The following WDR7 variants were observed in gnomAD, a reference collection of about 807,000 sequenced individuals.
WDR7 encodes WD repeat-containing protein 7.
Under a neutral mutation model 169.4 loss-of-function variants are expected in WDR7, and 46 were observed. The ratio of observed to expected loss-of-function variants is 0.27; its 90% CI spans 0.21 to 0.35. WDR7 has a LOEUF of 0.35. Among genes scored for constraint, WDR7 ranks in the 10% least tolerant of loss-of-function variants. WDR7 has a pLI of 1.00. For synonymous variants in WDR7, 612 were observed against 666.8 expected (o/e 0.92, Z 1.27); for missense variants, 1,534 against 1,859.3 (o/e 0.83, Z 3.22).
In WDR7 at chr18:56,879,990, C is replaced by T. The variant is rs146713550; in HGVS notation, c.3351C>T (p.Tyr1117=). Reference sequence around the variant, plus strand: ...AAATGAAAAAAATTTCTACATCTTACGAGGAAAGACGGAAGCAAGCTACCG... The same window carrying T: ...AAATGAAAAAAATTTCTACATCTTATGAGGAAAGACGGAAGCAAGCTACCG... ...VPQMKKISTS[Y]EERRKQATAI... The change falls in exon 21 of 28, where the codon TAC becomes TAT. Residue 1117 remains tyrosine (Y), a synonymous_variant. Coordinates refer to ENST00000254442, the MANE Select transcript of WDR7 (RefSeq NM_015285.3). 52 of 1,613,948 alleles carry T rather than the reference C, an allele frequency of 3.2e-5. No individual in the cohort carries two copies. In the East Asian group the frequency reaches 9.1e-4, roughly 28 times the overall value.
chr18:56,653,552 C>G (rs1194853698), intron 1 of WDR7, among the ~76,000 whole-genome samples: 1 of 152,162 alleles, frequency 6.6e-6, no homozygotes, highest in Non-Finnish European at 1.5e-5. Flanking sequence ...TTCTCTTGCT[C>G]ATCAACCCAT....
At chr18:56,799,088 G>A (rs1002503556) in intron 19 of WDR7, among the ~76,000 whole-genome samples, 2 of 152,126 alleles carry the variant, frequency 1.3e-5, no homozygotes, top group East Asian at 3.9e-4. Context: ...TATTAGGAAG[G>A]CAGGTAATCA....
rs2048387853 is a variant in WDR7, at chr18:57,027,710, T to A, written c.*503T>A. The A allele has an allele frequency of 6.5e-6, 1 of 154,400 alleles. No individual in the cohort carries two copies. The highest frequency in any genetic ancestry group is 2.0e-4 in the South Asian group (1 of 4,902). The allele number at this position is 154,400 out of a possible 1,614,324, so 9.6% of individuals were successfully genotyped here. ...CTAAAATATTGTTTACCAAAAAGAT[T>A]CTGTGTTTACATGTTCTTTTCTTCT... On this transcript the variant is annotated 3_prime_UTR_variant, in exon 28 of 28. Coordinates refer to ENST00000254442, the MANE Select transcript of WDR7 (RefSeq NM_015285.3).
intron 12 of WDR7, among the ~76,000 whole-genome samples, chr18:56,701,143 G>A (rs1430545694): frequency 6.6e-6 from 1 of 152,210 alleles, no homozygotes; most frequent in African/African-American, 2.4e-5. Context: ...GATAAGGTAA[G>A]TATTTAAGCC....
chr18:56,653,935 A>G (rs2024710945), intron 1 of WDR7, among the ~76,000 whole-genome samples: 1 of 152,210 alleles, frequency 6.6e-6, no homozygotes, highest in South Asian at 2.1e-4. Flanking sequence ...TTGAAGCACC[A>G]CCAGATGATG....
In WDR7 at chr18:56,810,234, G is replaced by A. The variant is rs116647429; in HGVS notation, c.3191-5797G>A. On this transcript the variant is annotated intron_variant, in intron 19 of 27. Coordinates refer to ENST00000254442, the MANE Select transcript of WDR7 (RefSeq NM_015285.3). ...AAGCACCTATCAGATTTTCCTTAAAGCAAATGGTTAAAATTAGTTTTAAAT... is the reference window on the plus strand; with the variant it reads ...AAGCACCTATCAGATTTTCCTTAAAACAAATGGTTAAAATTAGTTTTAAAT... Among the ~76,000 whole-genome samples, 978 of 152,186 alleles carry A rather than the reference G, an allele frequency of 6.4e-3. 19 individuals carry two copies. The highest frequency in any genetic ancestry group is 0.022 in the African/African-American group (933 of 41,530).
intron 19 of WDR7, 101 bp from the exon 20 acceptor site, chr18:56,815,925 ATGTAT>A: frequency 4.8e-6 from 4 of 838,500 alleles, no homozygotes; most frequent in African/African-American, 1.7e-5. Context: ...ATATTTTTTA[ATGTAT>A]TGTGTTTATG....
intron 1 of WDR7, among the ~76,000 whole-genome samples, chr18:56,665,240 C>T (rs2024991747): frequency 6.6e-6 from 1 of 150,884 alleles, no homozygotes; most frequent in Non-Finnish European, 1.5e-5. Context: ...TTGCAATGAG[C>T]CGAGATTGCA....
chr18:56,697,904 T>C (rs2025738534), intron 12 of WDR7, among the ~76,000 whole-genome samples: 1 of 152,156 alleles, frequency 6.6e-6, no homozygotes, highest in Non-Finnish European at 1.5e-5. Flanking sequence ...GATTAAAAGT[T>C]TGGAATGGGC....
chr18:56,952,939 G>T (rs891923991), intron 25 of WDR7, among the ~76,000 whole-genome samples: 1 of 152,168 alleles, frequency 6.6e-6, no homozygotes, highest in Non-Finnish European at 1.5e-5. Context: ...GAGGTCGGGG[G>T]AGAAAGGATT....
At chr18:57,011,266 G>A (rs1388983568) in intron 26 of WDR7, among the ~76,000 whole-genome samples, 3 of 152,196 alleles carry the variant, frequency 2.0e-5, no homozygotes, top group Admixed American at 2.0e-4. Flanking sequence ...TATGTAGGTA[G>A]TGAAAAGCTC....
At chr18:56,983,521 G>A (rs971107547) in intron 26 of WDR7, among the ~76,000 whole-genome samples, 1 of 151,866 alleles carries the variant, frequency 6.6e-6, no homozygotes, top group Non-Finnish European at 1.5e-5. Context: ...CCTAGTTAAA[G>A]TCTAGGTTTA....
chr18:56,799,039 A>G (rs2145150396), intron 19 of WDR7, among the ~76,000 whole-genome samples: 1 of 152,310 alleles, frequency 6.6e-6, no homozygotes, highest in East Asian at 1.9e-4. Context: ...AATGATAAAC[A>G]AAGTAGTCAT....
At chr18:56,812,778 T>G (rs949218402) in intron 19 of WDR7, among the ~76,000 whole-genome samples, 1 of 152,058 alleles carries the variant, frequency 6.6e-6, no homozygotes, top group Non-Finnish European at 1.5e-5. Flanking sequence ...TCTCTGCTCT[T>G]TTGTTCAGCG....
chr18:56,977,914 T>G (rs2047590303), intron 26 of WDR7, among the ~76,000 whole-genome samples: 1 of 152,198 alleles, frequency 6.6e-6, no homozygotes, highest in African/African-American at 2.4e-5. Context: ...GTAATTTATG[T>G]AAATGCGTTG....
At chr18:56,987,285 CAAAAAAAAAAA>C (rs74182165) in intron 26 of WDR7, among the ~76,000 whole-genome samples, 28 of 75,270 alleles carry the variant, frequency 3.7e-4, no homozygotes, top group African/African-American at 9.4e-4. Flanking sequence ...TCATCTGTAC[CAAAAAAAAAAA>C]AAAAAAAAAA....
intron 25 of WDR7, among the ~76,000 whole-genome samples, chr18:56,946,718 T>G (rs2047108078): frequency 6.6e-6 from 1 of 152,184 alleles, no homozygotes; most frequent in African/African-American, 2.4e-5. Flanking sequence ...TAAGTACATA[T>G]ATGTGTGTGT....
intron 26 of WDR7, among the ~76,000 whole-genome samples, chr18:57,015,726 C>A (rs1291400714): frequency 6.6e-6 from 1 of 152,196 alleles, no homozygotes; most frequent in Non-Finnish European, 1.5e-5. Context: ...GCCAAACGTA[C>A]GATGAGTGCT....
chr18:56,804,527 A>G (rs1461144018), intron 19 of WDR7, among the ~76,000 whole-genome samples: 1 of 152,220 alleles, frequency 6.6e-6, no homozygotes, highest in Non-Finnish European at 1.5e-5. Context: ...TGTAAGCGTA[A>G]AAACTCTGGT....
Sources: gnomAD v4.1 joint callset for allele counts (sites outside exome capture counted in the v4.1 genomes callset) on GRCh38, gnomAD v4.1.1 for gene constraint, MANE v1.5 for transcripts, NCBI Gene and HGNC (gene_info 2026-07-23, HGNC 2026-07-21) for gene names.